FREM1: variants seen among roughly 807,000 people sequenced by gnomAD.
FREM1 encodes the protein FRAS1 related extracellular matrix 1, also known as FRAS1-related extracellular matrix protein 1.
Under a neutral mutation model 210.1 loss-of-function variants are expected in FREM1, and 220 were observed. The ratio of observed to expected loss-of-function variants is 1.05; its 90% CI spans 0.94 to 1.17. The LOEUF is 1.17. Ranked by LOEUF, FREM1 falls within the 50% of genes most tolerant of loss-of-function variation. The pLI, the probability that FREM1 is intolerant of heterozygous loss-of-function variation, is 0.00. For missense variants in FREM1, 3,454 were observed against 2,675.5 expected, an observed-to-expected ratio of 1.29 and a Z score of -6.42; for synonymous variants, 1,189 against 980.2, an observed-to-expected ratio of 1.21 and a Z score of -3.98.
chr9:14,877,187 C>T (rs1229322454), intron 1 of FREM1, among the ~76,000 whole-genome samples: 4 of 152,008 alleles, frequency 2.6e-5, no homozygotes, highest in African/African-American at 7.3e-5. Context: ...CCTTAAATAC[C>T]ACCTATGTGC....
chr9:14,892,358 G>C (rs1836972535), intron 1 of FREM1, among the ~76,000 whole-genome samples: 1 of 152,122 alleles, frequency 6.6e-6, no homozygotes, highest in African/African-American at 2.4e-5. Context: ...TAAATGACGG[G>C]ATTGGGTTAG....
chr9:14,827,716 C>CGG (rs1822738771), intron 10 of FREM1, among the ~76,000 whole-genome samples: 1 of 152,206 alleles, frequency 6.6e-6, no homozygotes, highest in Non-Finnish European at 1.5e-5. Flanking sequence ...AGACATCAGG[C>CGG]CACCATTCCC....
rs1241571799 is a variant in FREM1, at chr9:14,805,039, G to T, written c.3388C>A (p.His1130Asn). ...QFTVYVTDGKHHSLEIPFSII... is the reference protein window; with the variant it reads ...QFTVYVTDGKNHSLEIPFSII... ...GAAAATGGTATCTCCAAGGAGTGAT[G>T]CTTCCCATCTGTGACGTACACCGTG... The change falls in exon 19 of 37, where the codon CAT (histidine) becomes AAT (asparagine). Residue 1130 changes from histidine (H) to asparagine (N), a missense_variant. Physicochemically the swap from His to Asn is moderately conservative, Grantham distance 68 (BLOSUM62 1). Coordinates refer to ENST00000380880, the MANE Select transcript of FREM1 (RefSeq NM_001379081.2). The T allele has an allele frequency of 1.2e-6, 2 of 1,613,304 alleles. No individual in the cohort carries two copies.
At chr9:14,880,882 T>C (rs1368648201) in intron 1 of FREM1, among the ~76,000 whole-genome samples, 3 of 152,186 alleles carry the variant, frequency 2.0e-5, no homozygotes, top group Non-Finnish European at 4.4e-5. Context: ...CGAAAATAAA[T>C]TGAAGAAAGT....
chr9:14,765,227 G>A (rs1055542024), intron 27 of FREM1, among the ~76,000 whole-genome samples: 1 of 152,142 alleles, frequency 6.6e-6, no homozygotes, highest in Non-Finnish European at 1.5e-5. Context: ...GTAATCGAAT[G>A]CTATGAACAC....
intron 17 of FREM1, among the ~76,000 whole-genome samples, chr9:14,807,645 T>G (rs1417247080): frequency 6.6e-6 from 1 of 150,638 alleles, no homozygotes; most frequent in Non-Finnish European, 1.5e-5. Context: ...AGGATTGCAA[T>G]GTTGTCCTTG....
intron 9 of FREM1, among the ~76,000 whole-genome samples, 185 bp from the exon 10 acceptor site, chr9:14,841,774 G>T (rs1017067228): frequency 6.6e-6 from 1 of 152,036 alleles, no homozygotes; most frequent in Non-Finnish European, 1.5e-5. Flanking sequence ...AATAAAGCAG[G>T]AAAACTAAAG....
intron 20 of FREM1, among the ~76,000 whole-genome samples, chr9:14,798,559 A>G (rs1176843046): frequency 6.6e-6 from 1 of 152,194 alleles, no homozygotes; most frequent in Non-Finnish European, 1.5e-5. Flanking sequence ...GCAGTGAGCT[A>G]TGATCATCCC....
intron 10 of FREM1, among the ~76,000 whole-genome samples, chr9:14,833,976 C>A (rs1824063969): frequency 6.6e-6 from 1 of 152,116 alleles, no homozygotes; most frequent in South Asian, 2.1e-4. Context: ...TCATAAAACC[C>A]CAGGAATTAA....
chr9:14,790,280 C>T (rs1228789968), intron 22 of FREM1, among the ~76,000 whole-genome samples: 4 of 152,054 alleles, frequency 2.6e-5, no homozygotes, highest in Non-Finnish European at 5.9e-5. Context: ...CTACCACTTG[C>T]CTTTATGTCA....
chr9:14,797,124 T>A (rs751039115), intron 21 of FREM1, among the ~76,000 whole-genome samples: 2 of 152,246 alleles, frequency 1.3e-5, no homozygotes, highest in East Asian at 3.8e-4. Context: ...CTGCAGTTAA[T>A]GTTATTAGAC....
At chr9:14,883,158 T>A (rs1835122128) in intron 1 of FREM1, among the ~76,000 whole-genome samples, 2 of 152,124 alleles carry the variant, frequency 1.3e-5, no homozygotes, top group Non-Finnish European at 2.9e-5. Context: ...AGAGTCTGTT[T>A]TATTTACATT....
In FREM1 at chr9:14,855,591, G is replaced by C. The variant is rs1041209993; in HGVS notation, c.828+1962C>G. Reference sequence around the variant, plus strand: ...CTGGCATGCACTCATGCACATGTGTGTGTATGTAAAAATGGTAAAAATACA... The same window carrying C: ...CTGGCATGCACTCATGCACATGTGTCTGTATGTAAAAATGGTAAAAATACA... On this transcript the variant is annotated intron_variant, in intron 5 of 36. Coordinates refer to ENST00000380880, the MANE Select transcript of FREM1 (RefSeq NM_001379081.2). 2.0e-5 allele frequency among the ~76,000 whole-genome samples: 3 copies of C among 152,196 alleles called. No individual in the cohort carries two copies. The South Asian group carries it at 6.2e-4, about 32-fold the overall frequency.
At position 14,869,147 on chromosome 9, in the gene FREM1, G is replaced by T. The variant is rs1832108147; in HGVS notation, c.-170C>A. The stretch of plus-strand genomic sequence containing the variant: ...CCCTTTCATTTCAAAGTCAGACAAG[G>T]GGGCCTTTCAGGCAATCCCAGGGCT... On this transcript the variant is annotated 5_prime_UTR_variant, in exon 2 of 37. Coordinates refer to ENST00000380880, the MANE Select transcript of FREM1 (RefSeq NM_001379081.2). 1 of 549,512 alleles carries T rather than the reference G, an allele frequency of 1.8e-6. No homozygotes were observed. The highest frequency in any genetic ancestry group is 3.2e-6 in the Non-Finnish European group (1 of 311,100). 34.0% of individuals were successfully genotyped at this position (549,512 alleles called of 1,614,324 possible). A position where few individuals can be genotyped will look rare whatever the true frequency, so the allele number is the denominator to read the frequency against.
At chr9:14,757,423 C>T (rs969174344) in intron 28 of FREM1, among the ~76,000 whole-genome samples, 3 of 152,250 alleles carry the variant, frequency 2.0e-5, no homozygotes, top group African/African-American at 4.8e-5. Flanking sequence ...GGCATGGTGG[C>T]GGCCGCCTGT....
chr9:14,834,919 A>G (rs899945797), intron 10 of FREM1, among the ~76,000 whole-genome samples: 17 of 152,182 alleles, frequency 1.1e-4, no homozygotes, highest in Admixed American at 5.2e-4. Context: ...TATCCTGGGA[A>G]TGTTGCCATT....
chr9:14,771,571 A>T (rs1031435129), intron 25 of FREM1, among the ~76,000 whole-genome samples: 1 of 152,106 alleles, frequency 6.6e-6, no homozygotes, highest in African/African-American at 2.4e-5. Flanking sequence ...TGACTGTTGT[A>T]GGTTATGGAT....
chr9:14,845,977 C>T lies in FREM1; in HGVS notation c.1376G>A (p.Gly459Glu). 6.2e-7 allele frequency: 1 copy of T among 1,613,610 alleles called. No individual in the cohort carries two copies. Among genetic ancestry groups the T allele is most frequent in the South Asian group, 1.1e-5 (1 of 90,988 alleles). The part of the protein sequence containing the change: ...RLVTVGGLQH[G>E]WLTLRGGKGF... The stretch of plus-strand genomic sequence containing the variant: ...TCATTCACCTCTTAAAGTCAGCCAT[C>T]CATGCTGCAGGCCACCAACGGTGAC... Residue 459 changes from glycine to glutamate, a missense_variant, in exon 8 of 37, where the codon GGA becomes GAA. Transcript: ENST00000380880.
chr9:14,853,702 G>A (rs1003926506), intron 5 of FREM1, among the ~76,000 whole-genome samples: 11 of 152,174 alleles, frequency 7.2e-5, no homozygotes, highest in African/African-American at 2.7e-4. Context: ...TAGAGGAGAA[G>A]ACAATCAACC....
Sources: gnomAD v4.1 joint callset for allele counts (sites outside exome capture counted in the v4.1 genomes callset) on GRCh38, gnomAD v4.1.1 for gene constraint, MANE v1.5 for transcripts, NCBI Gene and HGNC (gene_info 2026-07-23, HGNC 2026-07-21) for gene names.